The following KDM4B variants were observed in gnomAD, a reference collection of about 807,000 sequenced individuals.
KDM4B encodes lysine-specific demethylase 4B.
Under a neutral mutation model 125.2 loss-of-function variants are expected in KDM4B, and 32 were observed. The ratio of observed to expected loss-of-function variants is 0.26; its 90% CI spans 0.19 to 0.34. The LOEUF (loss-of-function observed/expected upper bound fraction) is 0.34. KDM4B is among the 10% of genes least tolerant of loss of function. The pLI is 1.00. For synonymous variants in KDM4B, 721 were observed against 677.9 expected, an observed-to-expected ratio of 1.06 and a Z score of -0.99; for missense variants, 1,190 against 1,577.7, an observed-to-expected ratio of 0.75 and a Z score of 4.16.
rs945185310 is a variant in KDM4B at position 5,119,554 on chromosome 19, G to A, written c.1116-99G>A. 10 of 1,190,372 alleles carry A rather than the reference G, an allele frequency of 8.4e-6. No individual in the cohort carries two copies. The East Asian group carries it at 2.5e-4, about 30-fold the overall frequency. 73.7% of individuals were successfully genotyped at this position (1,190,372 alleles called of 1,614,324 possible). Reference sequence around the variant, plus strand: ...CCCCCTGCTCATGGAGCGCTCTTCTGGGGGTGGGCGGGGGCTGCGTGCTGC... The same window carrying A: ...CCCCCTGCTCATGGAGCGCTCTTCTAGGGGTGGGCGGGGGCTGCGTGCTGC... On this transcript the variant is annotated intron_variant, in intron 10 of 22. Transcript: ENST00000159111.
intron 9 of KDM4B, among the ~76,000 whole-genome samples, chr19:5,096,269 G>A (rs2038820674): frequency 6.6e-6 from 1 of 152,110 alleles, no homozygotes. Flanking sequence ...ATTTTTAGTA[G>A]AGGTGGGGTT....
Position 5,061,838 on chromosome 19 carries a change from AAACAAAAAACAAC to A in KDM4B, c.627-9149_627-9137del, listed in dbSNP as rs1555702899. 4.3e-4 allele frequency among the ~76,000 whole-genome samples: 65 copies of A among 152,070 alleles called. 1 individual carries two copies. Among genetic ancestry groups the A allele is most frequent in the African/African-American group, 1.3e-3 (54 of 41,528 alleles). ...AAAGACCCTGTCTCTTAAAAAAAAA[AAACAAAAAACAAC>A]AACAAAAAACAACAACAAAAAAAAA... On this transcript the variant is annotated intron_variant, in intron 6 of 22. Transcript: ENST00000159111.
chr19:5,136,963 C>T (rs1281909650), intron 15 of KDM4B, among the ~76,000 whole-genome samples: 1 of 152,218 alleles, frequency 6.6e-6, no homozygotes, highest in Non-Finnish European at 1.5e-5. Context: ...CCTCAAGACA[C>T]CACCAGGCTG....
intron 6 of KDM4B, among the ~76,000 whole-genome samples, chr19:5,054,628 A>T (rs952737496): frequency 3.9e-5 from 6 of 152,252 alleles, no homozygotes; most frequent in African/African-American, 1.4e-4. Flanking sequence ...CTGCTGGGTA[A>T]CTGAGAACTG....
chr19:5,010,499 T>G (rs2035694331), intron 1 of KDM4B, among the ~76,000 whole-genome samples: 1 of 152,236 alleles, frequency 6.6e-6, no homozygotes, highest in Non-Finnish European at 1.5e-5. Flanking sequence ...CACCAATTTT[T>G]ACATTTCCGC....
rs1184029278 is a variant in KDM4B at position 5,138,052 on chromosome 19, C to T, written c.2532C>T (p.Pro844=). The T allele has an allele frequency of 1.6e-5, 26 of 1,612,158 alleles. No homozygotes were observed. The Middle Eastern group carries it at 4.9e-4, about 31-fold the overall frequency. The stretch of plus-strand genomic sequence containing the variant: ...ACCCTGTGGACATCAGCGCCATCCC[C>T]GAGCAGCGGTGGAAGCTGGTAGGTC... ...ERHPVDISAI[P]EQRWKLKCVY... is the part of the protein sequence containing the mutation. Residue 844 remains proline (P), a synonymous_variant, in exon 18 of 23, where the codon CCC becomes CCT. Transcript: ENST00000159111.
At chr19:5,056,077 C>CT (rs1441131830) in intron 6 of KDM4B, among the ~76,000 whole-genome samples, 2 of 152,198 alleles carry the variant, frequency 1.3e-5, no homozygotes, top group Non-Finnish European at 2.9e-5. Context: ...GTTTGATGCC[C>CT]TGGACAGTGT....
At position 5,115,537 on chromosome 19, in the gene KDM4B, C is replaced by G. The variant is rs1245362894; in HGVS notation, c.1116-4116C>G. Among the ~76,000 whole-genome samples the G allele has an allele frequency of 6.6e-6, 1 of 152,224 alleles. No individual in the cohort carries two copies. The highest frequency in any genetic ancestry group is 1.9e-4 in the East Asian group (1 of 5,196). ...CAGCAGCCCCTGCCACTGCCTTCAC[C>G]AGGCCCAGCTCACACACGGCTTGGC... On this transcript the variant is annotated intron_variant, in intron 10 of 22. Coordinates refer to ENST00000159111, the MANE Select transcript of KDM4B (RefSeq NM_015015.3). The surrounding 1 kb of genome is among the most constrained non-coding windows in gnomAD (Gnocchi z 4.2).
At chr19:5,054,964 A>T (rs1016932013) in intron 6 of KDM4B, among the ~76,000 whole-genome samples, 3 of 152,200 alleles carry the variant, frequency 2.0e-5, no homozygotes, top group Non-Finnish European at 4.4e-5. Context: ...GCGTTCAAAA[A>T]ATTAACTCGT....
Position 5,133,944 on chromosome 19 carries a change from G to A in KDM4B, c.1968G>A (p.Leu656=). ...VSDPDALRPL[L]SLQWKNRAAS... is the part of the protein sequence containing the mutation. Reference sequence around the variant, plus strand: ...ACCCGGACGCCTTGAGGCCGCTGCTGTCTCTGCAGTGGAAGAACAGGGCGG... The same window carrying A: ...ACCCGGACGCCTTGAGGCCGCTGCTATCTCTGCAGTGGAAGAACAGGGCGG... Residue 656 remains leucine (L), a synonymous_variant, in exon 14 of 23, where the codon CTG becomes CTA. Transcript: ENST00000159111. The A allele has an allele frequency of 1.2e-6, 2 of 1,613,108 alleles. No homozygotes were observed. Among genetic ancestry groups the A allele is most frequent in the Non-Finnish European group, 8.5e-7 (1 of 1,179,950 alleles).
intron 6 of KDM4B, among the ~76,000 whole-genome samples, chr19:5,069,601 C>T (rs1472161283): frequency 4.7e-5 from 7 of 148,782 alleles, no homozygotes; most frequent in African/African-American, 1.0e-4. Context: ...CCACTGCACC[C>T]GGCCTGTTTG....
At chr19:5,086,400 A>G (rs1023350300) in intron 9 of KDM4B, among the ~76,000 whole-genome samples, 5 of 152,070 alleles carry the variant, frequency 3.3e-5, no homozygotes, top group Non-Finnish European at 5.9e-5. Flanking sequence ...TTGTGGGAGG[A>G]GGGCAATTAA....
chr19:4,993,331 C>G (rs1403408050), intron 1 of KDM4B, among the ~76,000 whole-genome samples: 3 of 152,000 alleles, frequency 2.0e-5, no homozygotes, highest in African/African-American at 7.3e-5. Context: ...ATCGCTTGAA[C>G]CCGGGAGGCA....
intron 10 of KDM4B, chr19:5,111,788 T>TGTCTCGAC (rs780506608): frequency 2.6e-6 from 2 of 765,086 alleles, no homozygotes; most frequent in Non-Finnish European, 4.8e-6. Flanking sequence ...AGGCCTCCTG[T>TGTCTCGAC]GTCTCGACGT....
At chr19:4,969,946 C>T (rs530230695) in intron 1 of KDM4B, among the ~76,000 whole-genome samples, 63 of 152,326 alleles carry the variant, frequency 4.1e-4, no homozygotes, top group Non-Finnish European at 7.5e-4. Flanking sequence ...TCTCTCCGTC[C>T]CTCCCCCTTC....
At position 5,137,725 on chromosome 19, in the gene KDM4B, C is replaced by G. The variant is rs750399243; in HGVS notation, c.2441+49C>G. ...CTGGAGGGCCGGAGGGGAGCCTGCC[C>G]TGGGCTGAGGCTCTGCAGGGTGTGA... On this transcript the variant is annotated intron_variant, in intron 17 of 22. Coordinates refer to ENST00000159111, the MANE Select transcript of KDM4B (RefSeq NM_015015.3). The G allele has an allele frequency of 1.1e-5, 17 of 1,513,400 alleles. No homozygotes were observed. In the South Asian group the frequency reaches 2.0e-4, roughly 18 times the overall value. The allele number at this position is 1,513,400 out of a possible 1,614,324, so 93.7% of individuals were successfully genotyped here.
At chr19:4,987,310 G>A (rs768794430) in intron 1 of KDM4B, among the ~76,000 whole-genome samples, 18 of 152,350 alleles carry the variant, frequency 1.2e-4, no homozygotes, top group South Asian at 1.0e-3. Flanking sequence ...GCTCTTGGCC[G>A]ATTGCGGTCA....
chr19:5,006,140 C>A (rs2035551176), intron 1 of KDM4B, among the ~76,000 whole-genome samples: 1 of 151,936 alleles, frequency 6.6e-6, no homozygotes, highest in Non-Finnish European at 1.5e-5. Flanking sequence ...TCCCGCCTCC[C>A]TTCCTTCCAT....
intron 1 of KDM4B, among the ~76,000 whole-genome samples, chr19:5,000,298 G>T (rs183565066): frequency 7.9e-6 from 1 of 127,162 alleles, no homozygotes; most frequent in African/African-American, 3.0e-5. Context: ...TTCATTCACC[G>T]ATCCATCTGT....
Sources: allele counts gnomAD v4.1 joint callset (sites outside exome capture counted in the v4.1 genomes callset), GRCh38; gene constraint gnomAD v4.1.1; non-coding constraint Gnocchi (gnomAD v3.1); transcripts MANE v1.5; gene names NCBI Gene and HGNC (gene_info 2026-07-23, HGNC 2026-07-21).